Variants in NRXN1 observed in about 807,000 individuals in gnomAD.
NRXN1 encodes neurexin-1.
NRXN1 carries 39 observed loss-of-function variants against 150.9 expected under a neutral mutation model. The observed-to-expected ratio is 0.26, with a 90% CI of 0.20 to 0.34. NRXN1 has a LOEUF of 0.34. Among genes scored for constraint, NRXN1 ranks in the 10% least tolerant of loss-of-function variants. NRXN1 has a pLI of 1.00. For synonymous variants in NRXN1, 924 were observed against 757.0 expected, an observed-to-expected ratio of 1.22 and a Z score of -3.62; for missense variants, 1,815 against 1,949.9, an observed-to-expected ratio of 0.93 and a Z score of 1.30.
Position 50,053,597 on chromosome 2 carries a change from AAAT to A in NRXN1, c.3809-10_3809-8del. 1.2e-6 allele frequency: 2 copies of A among 1,613,668 alleles called. No individual in the cohort carries two copies. Among genetic ancestry groups the A allele is most frequent in the Non-Finnish European group, 1.7e-6 (2 of 1,179,712 alleles). On this transcript the variant is annotated splice_polypyrimidine_tract_variant and splice_region_variant and intron_variant, in intron 20 of 22. Coordinates refer to ENST00000401669, the MANE Select transcript of NRXN1 (RefSeq NM_001330078.2). ...AAGATTGTGAGCTGACGCCCTGTAA[AAAT>A]AATATTACATACATGCAAAAATGTT...
intron 5 of NRXN1, among the ~76,000 whole-genome samples, chr2:50,720,826 C>T (rs1275422577): frequency 6.6e-6 from 1 of 152,108 alleles, no homozygotes; most frequent in Non-Finnish European, 1.5e-5. Flanking sequence ...ACTCTCCTTC[C>T]TTGCTGCATT....
At chr2:50,276,685 G>A (rs2070515776) in intron 17 of NRXN1, among the ~76,000 whole-genome samples, 1 of 152,112 alleles carries the variant, frequency 6.6e-6, no homozygotes, top group East Asian at 1.9e-4. Context: ...CTTCCCTAGC[G>A]AAAACTTGAC....
At chr2:50,531,187 T>A in intron 11 of NRXN1, 40 bp downstream of exon 11, 1 of 1,545,328 alleles carries the variant, frequency 6.5e-7, no homozygotes, top group Non-Finnish European at 8.9e-7. Flanking sequence ...GAACAAAAAG[T>A]AAAAAAGTGT....
intron 21 of NRXN1, among the ~76,000 whole-genome samples, chr2:49,963,958 A>G (rs1001459943): frequency 7.2e-5 from 11 of 152,210 alleles, no homozygotes; most frequent in East Asian, 3.9e-4. Flanking sequence ...TCATGTGTCC[A>G]TAACGAAAAG....
chr2:50,872,956 G>C (rs1678014505), intron 5 of NRXN1, among the ~76,000 whole-genome samples: 1 of 151,756 alleles, frequency 6.6e-6, no homozygotes, highest in African/African-American at 2.4e-5. Flanking sequence ...AGCTATGATT[G>C]TACCACTATA....
intron 5 of NRXN1, among the ~76,000 whole-genome samples, chr2:50,629,150 A>T (rs973587339): frequency 2.0e-5 from 3 of 151,726 alleles, no homozygotes; most frequent in Non-Finnish European, 4.4e-5. Flanking sequence ...TACACATATC[A>T]TCAGAATAGC....
intron 21 of NRXN1, among the ~76,000 whole-genome samples, chr2:50,045,477 T>G (rs1203401500): frequency 2.6e-5 from 4 of 152,170 alleles, no homozygotes; most frequent in African/African-American, 7.2e-5. Context: ...CCCAAGTAGC[T>G]GGGACTACAG....
intron 5 of NRXN1, among the ~76,000 whole-genome samples, chr2:50,866,557 T>C (rs371450877): frequency 1.1e-3 from 163 of 152,050 alleles, no homozygotes; most frequent in African/African-American, 3.8e-3. Flanking sequence ...GATGTTAAAA[T>C]ATCAGATCTA....
chr2:50,095,562 C>A (rs543064071), intron 18 of NRXN1, among the ~76,000 whole-genome samples: 4 of 152,112 alleles, frequency 2.6e-5, no homozygotes, highest in African/African-American at 9.6e-5. Context: ...AGAAGCATTG[C>A]AATGTTAAAG....
At chr2:50,741,486 C>T (rs139959155) in intron 5 of NRXN1, among the ~76,000 whole-genome samples, 2 of 152,134 alleles carry the variant, frequency 1.3e-5, no homozygotes, top group Non-Finnish European at 1.5e-5. Context: ...CTGTGCCCTG[C>T]AGAATGTATA....
chr2:50,151,909 A>T (rs1354364236), intron 18 of NRXN1, among the ~76,000 whole-genome samples: 2 of 151,884 alleles, frequency 1.3e-5, no homozygotes, highest in Admixed American at 1.3e-4. Context: ...GCAATTCTAC[A>T]GATTTTAAGC....
chr2:50,253,312 C>T (rs954622675), intron 17 of NRXN1, among the ~76,000 whole-genome samples: 1 of 152,070 alleles, frequency 6.6e-6, no homozygotes, highest in Non-Finnish European at 1.5e-5. Context: ...AGATTTTGGG[C>T]TGAGACATGG....
At chr2:50,138,373 TAATGCA>T (rs1428754312) in intron 18 of NRXN1, among the ~76,000 whole-genome samples, 5 of 152,028 alleles carry the variant, frequency 3.3e-5, no homozygotes, top group African/African-American at 1.2e-4. Context: ...TACAAGAAAA[TAATGCA>T]AACTGAAGAG....
At chr2:50,925,890 A>T in intron 3 of NRXN1, 48 bp downstream of exon 3, 1 of 1,475,314 alleles carries the variant, frequency 6.8e-7, no homozygotes, top group Non-Finnish European at 9.3e-7. Flanking sequence ...TAGTACTAAG[A>T]AATAAAGGAC....
intron 18 of NRXN1, among the ~76,000 whole-genome samples, chr2:50,229,172 A>G (rs549964895): frequency 4.6e-5 from 7 of 152,202 alleles, no homozygotes; most frequent in African/African-American, 4.8e-5. Flanking sequence ...GCCCATGTCT[A>G]GAGTGGGCCA....
At chr2:49,928,534 G>A (rs1019136744) in intron 22 of NRXN1, among the ~76,000 whole-genome samples, 4 of 151,932 alleles carry the variant, frequency 2.6e-5, no homozygotes, top group Admixed American at 6.6e-5. Flanking sequence ...CCAATACTCA[G>A]TTTCATTAAT....
At chr2:50,485,769 A>G (rs1001049584) in intron 15 of NRXN1, among the ~76,000 whole-genome samples, 1 of 152,244 alleles carries the variant, frequency 6.6e-6, no homozygotes, top group Non-Finnish European at 1.5e-5. Context: ...TTCTAGCAGA[A>G]AAGCCTTGGA....
intron 17 of NRXN1, among the ~76,000 whole-genome samples, chr2:50,289,394 T>C (rs1035680689): frequency 1.3e-5 from 2 of 152,136 alleles, no homozygotes; most frequent in South Asian, 2.1e-4. Flanking sequence ...AAGTCACTTA[T>C]GCAAATTTTA....
At chr2:50,194,473 T>C (rs1264603693) in intron 18 of NRXN1, among the ~76,000 whole-genome samples, 2 of 152,194 alleles carry the variant, frequency 1.3e-5, no homozygotes, top group African/African-American at 2.4e-5. Context: ...CTTTGAATTA[T>C]ATTAAAAGTT....
Sources: gnomAD v4.1 joint callset for allele counts (sites outside exome capture counted in the v4.1 genomes callset) on GRCh38, gnomAD v4.1.1 for gene constraint, MANE v1.5 for transcripts, NCBI Gene and HGNC (gene_info 2026-07-23, HGNC 2026-07-21) for gene names.